The following ROBO1 variants were observed in gnomAD, a reference collection of about 807,000 sequenced individuals.
ROBO1 encodes the protein roundabout guidance receptor 1, also known as roundabout homolog 1.
Under a neutral mutation model 195.9 loss-of-function variants are expected in ROBO1, and 149 were observed. The observed-to-expected ratio is 0.76, with a 90% CI of 0.67 to 0.87. The LOEUF is 0.87. Among genes scored for constraint, ROBO1 ranks in the 40% least tolerant of loss-of-function variants. The pLI, the probability that ROBO1 is intolerant of heterozygous loss-of-function variation, is 0.00. For missense variants in ROBO1, 1,933 were observed against 2,068.3 expected, an observed-to-expected ratio of 0.93 and a Z score of 1.27; for synonymous variants, 816 against 733.2, an observed-to-expected ratio of 1.11 and a Z score of -1.82.
intron 4 of ROBO1, among the ~76,000 whole-genome samples, chr3:78,818,468 G>T (rs895316163): frequency 6.6e-6 from 1 of 152,202 alleles, no homozygotes; most frequent in Non-Finnish European, 1.5e-5. Context: ...GGAAGCCGGG[G>T]TCCTGCTGCC....
chr3:79,019,077 G>C (rs1364110881), intron 3 of ROBO1: 1 of 989,550 alleles, frequency 1.0e-6, no homozygotes, highest in African/African-American at 1.7e-5. Context: ...GACAGCGGCT[G>C]CCTGGGCGGG....
At chr3:79,407,523 A>G (rs1216554174) in intron 2 of ROBO1, among the ~76,000 whole-genome samples, 2 of 152,152 alleles carry the variant, frequency 1.3e-5, no homozygotes, top group African/African-American at 4.8e-5. Context: ...TCTTTAAGTC[A>G]TTATTGCTTA....
chr3:79,086,615 G>A (rs541947808), intron 3 of ROBO1, among the ~76,000 whole-genome samples: 2 of 152,116 alleles, frequency 1.3e-5, no homozygotes, highest in African/African-American at 4.8e-5. Flanking sequence ...AAACTACAGG[G>A]TCTCCACAAG....
At chr3:79,220,324 T>C (rs1210413457) in intron 2 of ROBO1, among the ~76,000 whole-genome samples, 2 of 152,096 alleles carry the variant, frequency 1.3e-5, no homozygotes, top group Non-Finnish European at 2.9e-5. Flanking sequence ...ATGTTTTTTC[T>C]CTCTCTGTCT....
intron 1 of ROBO1, among the ~76,000 whole-genome samples, chr3:79,655,667 G>T (rs1946136568): frequency 6.6e-6 from 1 of 151,942 alleles, no homozygotes; most frequent in East Asian, 1.9e-4. Flanking sequence ...TAAGAGAATA[G>T]CAAAGCTAAT....
At chr3:78,919,787 A>C (rs578147935) in intron 4 of ROBO1, among the ~76,000 whole-genome samples, 1 of 152,364 alleles carries the variant, frequency 6.6e-6, no homozygotes, top group South Asian at 2.1e-4. Flanking sequence ...AAGAAGAAAC[A>C]ACCAACTAGC....
intron 2 of ROBO1, among the ~76,000 whole-genome samples, chr3:79,500,200 A>G (rs1257209999): frequency 8.0e-6 from 1 of 124,990 alleles, no homozygotes; most frequent in Non-Finnish European, 1.6e-5. Flanking sequence ...GTGCTATCTC[A>G]GCTCGCTGCA....
chr3:78,904,657 G>C (rs162267), intron 4 of ROBO1, among the ~76,000 whole-genome samples: 56,777 of 150,434 alleles, frequency 0.38, 11,260 homozygotes, highest in African/African-American at 0.51. Flanking sequence ...AAGTCCTCTG[G>C]GTTTGTCTGT....
At chr3:79,526,923 CAG>C (rs1256171483) in intron 2 of ROBO1, among the ~76,000 whole-genome samples, 4 of 152,040 alleles carry the variant, frequency 2.6e-5, no homozygotes, top group Non-Finnish European at 5.9e-5. Flanking sequence ...TAAATGGTAA[CAG>C]AAATTTGAAG....
At chr3:79,633,551 G>A (rs1945409441) in intron 1 of ROBO1, among the ~76,000 whole-genome samples, 1 of 151,804 alleles carries the variant, frequency 6.6e-6, no homozygotes, top group South Asian at 2.1e-4. Flanking sequence ...TAAATTTAGT[G>A]TTAATTACTG....
intron 2 of ROBO1, among the ~76,000 whole-genome samples, chr3:79,369,634 AG>A (rs1292391561): frequency 6.6e-6 from 1 of 151,536 alleles, no homozygotes; most frequent in Non-Finnish European, 1.5e-5. Context: ...ACATGTGTAC[AG>A]TTTCATGATC....
chr3:79,039,556 G>A (rs1203351723), intron 3 of ROBO1, among the ~76,000 whole-genome samples: 1 of 152,078 alleles, frequency 6.6e-6, no homozygotes, highest in African/African-American at 2.4e-5. Context: ...CTAACACTTT[G>A]GGAGGCCGAG....
At chr3:79,454,687 T>C (rs1345903008) in intron 2 of ROBO1, among the ~76,000 whole-genome samples, 5 of 152,162 alleles carry the variant, frequency 3.3e-5, no homozygotes, top group African/African-American at 1.2e-4. Context: ...TTTCTTAAAC[T>C]ATAATTTTCC....
intron 2 of ROBO1, among the ~76,000 whole-genome samples, chr3:79,529,390 A>G (rs1416641132): frequency 5.3e-5 from 8 of 152,190 alleles, no homozygotes; most frequent in Non-Finnish European, 1.2e-4. Flanking sequence ...GGGGAGGCTG[A>G]GATGGCAGAA....
intron 2 of ROBO1, among the ~76,000 whole-genome samples, chr3:79,429,614 C>A (rs934647637): frequency 6.6e-6 from 1 of 152,242 alleles, no homozygotes; most frequent in Admixed American, 6.6e-5. Flanking sequence ...AAGCTCCTGG[C>A]AGCAAGTGAA....
At chr3:78,765,376 T>C (rs1260444884) in intron 4 of ROBO1, among the ~76,000 whole-genome samples, 1 of 151,890 alleles carries the variant, frequency 6.6e-6, no homozygotes, top group Non-Finnish European at 1.5e-5. Context: ...TTTAAAAAAA[T>C]ATAGAAACAT....
chr3:79,017,817 A>G (rs1471036964), intron 3 of ROBO1, among the ~76,000 whole-genome samples: 3 of 152,132 alleles, frequency 2.0e-5, no homozygotes, highest in African/African-American at 7.2e-5. Flanking sequence ...AAACCCAGCG[A>G]GGCAGTGGCT....
At chr3:79,079,794 T>C (rs2079238934) in intron 3 of ROBO1, among the ~76,000 whole-genome samples, 1 of 151,762 alleles carries the variant, frequency 6.6e-6, no homozygotes, top group African/African-American at 2.4e-5. Context: ...CATAATAATC[T>C]CAATGTAATT....
At chr3:79,297,369 G>A (rs1019873805) in intron 2 of ROBO1, among the ~76,000 whole-genome samples, 3 of 152,126 alleles carry the variant, frequency 2.0e-5, no homozygotes, top group Non-Finnish European at 2.9e-5. Context: ...GATTCACAGT[G>A]CTATAGGGAC....
Sources: gnomAD v4.1 joint callset for allele counts (sites outside exome capture counted in the v4.1 genomes callset) on GRCh38, gnomAD v4.1.1 for gene constraint, MANE v1.5 for transcripts, NCBI Gene and HGNC (gene_info 2026-07-23, HGNC 2026-07-21) for gene names.